SH2D7: variants seen among roughly 807,000 people sequenced by gnomAD.
SH2D7 encodes SH2 domain containing 7.
In SH2D7, 32 loss-of-function variants were observed where a neutral mutation model predicts 40.8. That is an observed-to-expected ratio of 0.78 (90% CI 0.59 to 1.05). The LOEUF (loss-of-function observed/expected upper bound fraction) is 1.05. Ranked by LOEUF, SH2D7 falls within the 50% of genes least tolerant of loss-of-function variation. The pLI, the probability that SH2D7 is intolerant of heterozygous loss-of-function variation, is 0.00. For synonymous variants in SH2D7, 195 were observed against 221.5 expected (o/e 0.88, Z 1.06); for missense variants, 559 against 566.6 (o/e 0.99, Z 0.14).
At position 78,092,694 on chromosome 15, in the gene SH2D7, C is replaced by T; in HGVS notation, c.110C>T (p.Thr37Ile). Reference protein sequence around the residue: ...QELALKWFMETQAPFILQNGA... With the variant: ...QELALKWFMEIQAPFILQNGA... ...CTTGCCCTGAAGTGGTTCATGGAGA[C>T]ACAGGCCCCCTTCATTCTGCAGAAC... The change falls in exon 1 of 6, where the codon ACA becomes ATA. Residue 37 changes from threonine (T) to isoleucine (I), a missense_variant. Thr to Ile is a moderately conservative substitution (Grantham distance 89). Coordinates refer to ENST00000328828, the MANE Select transcript of SH2D7 (RefSeq NM_001101404.2). 1.3e-6 allele frequency: 2 copies of T among 1,596,706 alleles called. No homozygotes were observed. The highest frequency in any genetic ancestry group is 1.7e-6 in the Non-Finnish European group (2 of 1,171,886).
intron 4 of SH2D7, among the ~76,000 whole-genome samples, chr15:78,099,253 G>A (rs1164611119): frequency 6.6e-6 from 1 of 152,088 alleles, no homozygotes; most frequent in Non-Finnish European, 1.5e-5. Context: ...TTGACCTCAA[G>A]TGATCCGCCC....
At chr15:78,095,354 T>C (rs2073964738) in intron 2 of SH2D7, among the ~76,000 whole-genome samples, 1 of 152,226 alleles carries the variant, frequency 6.6e-6, no homozygotes, top group African/African-American at 2.4e-5. Flanking sequence ...TTTGGGGATT[T>C]TTTTATTTTC....
chr15:78,095,429 T>G (rs576863872), intron 2 of SH2D7, among the ~76,000 whole-genome samples: 1 of 152,278 alleles, frequency 6.6e-6, no homozygotes, highest in African/African-American at 2.4e-5. Context: ...GAGACCAAAG[T>G]GGGACCGCCC....
At chr15:78,090,564 TAAC>T (rs1051097947), upstream of SH2D7, among the ~76,000 whole-genome samples, 11 of 152,076 alleles carry the variant, frequency 7.2e-5, no homozygotes, top group Non-Finnish European at 1.2e-4. Context: ...GTTGTAATAA[TAAC>T]AATAATTATA....
chr15:78,100,531 C>A (rs1042262416), intron 4 of SH2D7, among the ~76,000 whole-genome samples: 1 of 152,022 alleles, frequency 6.6e-6, no homozygotes, highest in African/African-American at 2.4e-5. Flanking sequence ...AAACCTGTCT[C>A]TACAAAAATA....
In SH2D7 at chr15:78,102,004, C is replaced by T. The variant is rs142080107; in HGVS notation, c.1305+446C>T. Among the ~76,000 whole-genome samples the T allele has an allele frequency of 4.7e-3, 722 of 152,270 alleles. 6 individuals carry two copies. The highest frequency in any genetic ancestry group is 0.017 in the African/African-American group (705 of 41,538). ...TGGTGGCTCATGTCTGTAATCCTAGCCCTTTGGGAGGCTGAGGCAGGTGGA... is the reference window on the plus strand; with the variant it reads ...TGGTGGCTCATGTCTGTAATCCTAGTCCTTTGGGAGGCTGAGGCAGGTGGA... On this transcript the variant is annotated intron_variant, in intron 5 of 5. Coordinates refer to ENST00000328828, the MANE Select transcript of SH2D7 (RefSeq NM_001101404.2).
intron 4 of SH2D7, 137 bp from the exon 5 acceptor site, chr15:78,100,762 G>GTAT: frequency 1.1e-6 from 1 of 895,174 alleles, no homozygotes; most frequent in East Asian, 2.6e-5. Context: ...TGAGTGTCAT[G>GTAT]TATCCAACCC....
intron 3 of SH2D7, 34 bp downstream of exon 3, chr15:78,098,128 A>T: frequency 6.4e-7 from 1 of 1,569,612 alleles, no homozygotes; most frequent in African/African-American, 1.4e-5. Context: ...TGAGGGTGGC[A>T]GGGCAGAGAG....
At chr15:78,090,487 T>G (rs552754868), upstream of SH2D7, among the ~76,000 whole-genome samples, 1 of 152,326 alleles carries the variant, frequency 6.6e-6, no homozygotes, top group African/African-American at 2.4e-5. Context: ...GCGTGTTCTC[T>G]ACACTATAAG....
intron 1 of SH2D7, among the ~76,000 whole-genome samples, chr15:78,093,679 T>C (rs1163978215): frequency 4.6e-5 from 7 of 152,244 alleles, no homozygotes; most frequent in African/African-American, 1.7e-4. Flanking sequence ...CAGAAGCTTG[T>C]GTGTAGTGCA....
rs1232270829 is a variant in SH2D7, at chr15:78,101,254, A to C, written c.1001A>C (p.Lys334Thr). Residue 334 changes from lysine (K) to threonine (T), a missense_variant, in exon 5 of 6, where the codon AAG becomes ACG. By Grantham distance (78) the Lys-to-Thr change is moderately conservative. Coordinates refer to ENST00000328828, the MANE Select transcript of SH2D7 (RefSeq NM_001101404.2). ...LGATWRQEFPKLSQEAQPCSQ... is the reference protein window; with the variant it reads ...LGATWRQEFPTLSQEAQPCSQ... ...GCTACCTGGAGGCAGGAGTTTCCAAAGCTGAGCCAAGAGGCTCAGCCCTGC... is the reference window on the plus strand; with the variant it reads ...GCTACCTGGAGGCAGGAGTTTCCAACGCTGAGCCAAGAGGCTCAGCCCTGC... 2 of 1,607,108 alleles carry C rather than the reference A, an allele frequency of 1.2e-6. No homozygotes were observed. Among genetic ancestry groups the C allele is most frequent in the Non-Finnish European group, 1.7e-6 (2 of 1,177,412 alleles).
upstream of SH2D7, among the ~76,000 whole-genome samples, chr15:78,090,323 G>T (rs148255690): frequency 9.5e-3 from 1,452 of 152,236 alleles, 14 homozygotes; most frequent in Non-Finnish European, 0.016. Flanking sequence ...CAGGAAAATC[G>T]CTTGAACCCA....
At chr15:78,093,464 G>A (rs376741177) in intron 1 of SH2D7, among the ~76,000 whole-genome samples, 1 of 152,252 alleles carries the variant, frequency 6.6e-6, no homozygotes, top group African/African-American at 2.4e-5. Flanking sequence ...TAGAACAGGC[G>A]CTCGGTATTT....
chr15:78,091,754 T>C (rs1287056119), upstream of SH2D7, among the ~76,000 whole-genome samples: 1 of 152,238 alleles, frequency 6.6e-6, no homozygotes, highest in East Asian at 1.9e-4. Context: ...CATGAGCTTC[T>C]GTTTTTTCTT....
intron 2 of SH2D7, among the ~76,000 whole-genome samples, chr15:78,095,253 CA>C (rs1287873948): frequency 2.6e-5 from 4 of 152,212 alleles, no homozygotes; most frequent in Non-Finnish European, 1.5e-5. Flanking sequence ...AAATGTTAAT[CA>C]TTGTTAAAAT....
intron 2 of SH2D7, 64 bp from the exon 3 acceptor site, chr15:78,097,865 A>G: frequency 1.3e-6 from 2 of 1,580,026 alleles, no homozygotes; most frequent in Non-Finnish European, 1.7e-6. Flanking sequence ...CAGAGCTCAG[A>G]CCCTGGGCCA....
chr15:78,101,691 C>A, intron 5 of SH2D7, 133 bp downstream of exon 5: 3 of 1,104,846 alleles, frequency 2.7e-6, no homozygotes, highest in Non-Finnish European at 3.7e-6. Flanking sequence ...ATTTTCCAGC[C>A]CTAATATCTG....
chr15:78,099,715 A>G (rs1361988001), intron 4 of SH2D7, among the ~76,000 whole-genome samples: 2 of 151,970 alleles, frequency 1.3e-5, no homozygotes, highest in African/African-American at 4.8e-5. Flanking sequence ...TGGGGCCCAC[A>G]AGAGCCTCAC....
In SH2D7 at chr15:78,101,491, C is replaced by T. The variant is rs745449170; in HGVS notation, c.1238C>T (p.Ser413Leu). 1 of 1,613,466 alleles carries T rather than the reference C, an allele frequency of 6.2e-7. No individual in the cohort carries two copies. The highest frequency in any genetic ancestry group is 8.5e-7 in the Non-Finnish European group (1 of 1,179,650). ...AGGATCTCAGGGACCCCAGAGCTCT[C>T]AGAGCCTGGGAACACCTATGAACAG... ...YKRISGTPEL[S>L]EPGNTYEQIP... Residue 413 changes from serine (S) to leucine (L), a missense_variant, in exon 5 of 6, where the codon TCA (serine) becomes TTA (leucine). By Grantham distance (145) the Ser-to-Leu change is moderately radical. Transcript: ENST00000328828.
Sources: allele counts gnomAD v4.1 joint callset (sites outside exome capture counted in the v4.1 genomes callset), GRCh38; gene constraint gnomAD v4.1.1; transcripts MANE v1.5; gene names NCBI Gene and HGNC (gene_info 2026-07-23, HGNC 2026-07-21).